The following DCAF15 variants were observed in gnomAD, a reference collection of about 807,000 sequenced individuals.
DCAF15 encodes DDB1 and CUL4 associated factor 15.
Under a neutral mutation model 68.0 loss-of-function variants are expected in DCAF15, and 24 were observed. The observed-to-expected ratio is 0.35, with a 90% CI of 0.26 to 0.50. The LOEUF (loss-of-function observed/expected upper bound fraction) is 0.50, where lower values mean the gene tolerates loss of function less well. Ranked by LOEUF, DCAF15 falls within the 20% of genes least tolerant of loss-of-function variation. The pLI is 0.98. For missense variants in DCAF15, 627 were observed against 830.6 expected, an observed-to-expected ratio of 0.75 and a Z score of 3.01; for synonymous variants, 376 against 341.6, an observed-to-expected ratio of 1.10 and a Z score of -1.11.
intron 6 of DCAF15, among the ~76,000 whole-genome samples, chr19:13,957,510 C>T (rs1291284225): frequency 1.3e-5 from 2 of 152,188 alleles, no homozygotes; most frequent in East Asian, 3.8e-4. Flanking sequence ...TGTGGAACAC[C>T]AATGAAGGCC....
intron 1 of DCAF15, 45 bp from the exon 2 acceptor site, chr19:13,954,295 G>A: frequency 6.4e-7 from 1 of 1,550,842 alleles, no homozygotes; most frequent in Non-Finnish European, 8.9e-7. Flanking sequence ...AGGGGGCTGG[G>A]GGCTGCAGAT....
Position 13,954,358 on chromosome 19 carries a change from C to G in DCAF15, c.151C>G (p.Pro51Ala). ...ERVKISGQLSPRLFRKLPPRV... is the reference protein window; with the variant it reads ...ERVKISGQLSARLFRKLPPRV... Reference sequence around the variant, plus strand: ...TCCCCAGATCAGCGGACAGCTCTCCCCTCGCCTCTTCCGGAAGCTGCCTCC... The same window carrying G: ...TCCCCAGATCAGCGGACAGCTCTCCGCTCGCCTCTTCCGGAAGCTGCCTCC... Residue 51 changes from proline to alanine, a missense_variant, in exon 2 of 13, where the codon CCT (proline) becomes GCT (alanine). Coordinates refer to ENST00000254337, the MANE Select transcript of DCAF15 (RefSeq NM_138353.4). 1.2e-6 allele frequency: 2 copies of G among 1,613,552 alleles called. No individual in the cohort carries two copies. Among genetic ancestry groups the G allele is most frequent in the Non-Finnish European group, 1.7e-6 (2 of 1,179,962 alleles).
In DCAF15 at chr19:13,960,932, C is replaced by T; in HGVS notation, c.1748-8C>T. 6.2e-7 allele frequency: 1 copy of T among 1,614,010 alleles called. No homozygotes were observed. Among genetic ancestry groups the T allele is most frequent in the Non-Finnish European group, 8.5e-7 (1 of 1,180,038 alleles). On this transcript the variant is annotated splice_region_variant and splice_polypyrimidine_tract_variant and intron_variant, in intron 12 of 12. Coordinates refer to ENST00000254337, the MANE Select transcript of DCAF15 (RefSeq NM_138353.4). ...GGCTCTATGCTTTGTCTCCACCTGT[C>T]CCTGTAGGGTGCTCCCTGAAGGTTC...
rs374376254 is a variant in DCAF15 at position 13,954,443 on chromosome 19, G to A, written c.230+6G>A. 3 of 1,613,840 alleles carry A rather than the reference G, an allele frequency of 1.9e-6. No homozygotes were observed. Among genetic ancestry groups the A allele is most frequent in the African/African-American group, 2.7e-5 (2 of 74,904 alleles). On this transcript the variant is annotated splice_donor_region_variant and intron_variant, in intron 2 of 12. Transcript: ENST00000254337. ...GAGGACTTCCTCTATGCAGGGTGAG[G>A]CTGGGCCCAGGCAAAGGGGGCAGGT... is the stretch of plus-strand genomic sequence containing the variant.
chr19:13,961,371 C>T lies in DCAF15; in HGVS notation c.*376C>T. 1 of 258,192 alleles carries T rather than the reference C, an allele frequency of 3.9e-6. No individual in the cohort carries two copies. Among genetic ancestry groups the T allele is most frequent in the African/African-American group, 2.2e-5 (1 of 45,918 alleles). 16.0% of individuals were successfully genotyped at this position (258,192 alleles called of 1,614,324 possible). On this transcript the variant is annotated 3_prime_UTR_variant, in exon 13 of 13. Transcript: ENST00000254337. ...TCCCCCTGCCCTGCCCGCCCCCAGC[C>T]TCCCCACCCAGGCCGGCAACCTGGC...
At chr19:13,956,316 G>GCC (rs1273047597) in intron 5 of DCAF15, 36 bp from the exon 6 acceptor site, 2 of 1,612,214 alleles carry the variant, frequency 1.2e-6, no homozygotes, top group African/African-American at 1.3e-5. Flanking sequence ...CTTGCTCCGG[G>GCC]CCGAGAGTGA....
At chr19:13,956,046 G>C (rs1465331240) in intron 4 of DCAF15, 28 bp downstream of exon 4, 1 of 1,612,764 alleles carries the variant, frequency 6.2e-7, no homozygotes, top group Non-Finnish European at 8.5e-7. Flanking sequence ...GGGGAGCCTT[G>C]GCTGGTTGGG....
chr19:13,953,138 G>A, intron 1 of DCAF15: 5 of 1,548,292 alleles, frequency 3.2e-6, no homozygotes, highest in African/African-American at 1.4e-5. Context: ...CCTCCCCATT[G>A]AAAGTGTGGG....
At chr19:13,952,690 T>C in intron 1 of DCAF15, 46 bp downstream of exon 1, 1 of 1,151,026 alleles carries the variant, frequency 8.7e-7, no homozygotes, top group South Asian at 3.0e-5. Flanking sequence ...GGGTGGGGAG[T>C]AGGGACGAGG....
chr19:13,957,046 G>A (rs1367046207), intron 6 of DCAF15, among the ~76,000 whole-genome samples: 1 of 152,232 alleles, frequency 6.6e-6, no homozygotes, highest in Non-Finnish European at 1.5e-5. Flanking sequence ...GTGAGCCACC[G>A]CGTCTGGCCT....
intron 12 of DCAF15, 52 bp downstream of exon 12, chr19:13,960,632 C>A: frequency 6.8e-7 from 1 of 1,478,150 alleles, no homozygotes; most frequent in Non-Finnish European, 9.2e-7. Context: ...CACTTGTCCT[C>A]ACCCAGGAGC....
chr19:13,955,106 T>TAAAACAAAACAAAACAAAAC (rs565524117), intron 3 of DCAF15, among the ~76,000 whole-genome samples: 3 of 150,338 alleles, frequency 2.0e-5, no homozygotes, highest in African/African-American at 7.4e-5. Flanking sequence ...ACCCTGTCTC[T>TAAAACAAAACAAAACAAAAC]AAAACAAAAC....
chr19:13,953,450 G>T (rs1336297065), intron 1 of DCAF15: 2 of 255,730 alleles, frequency 7.8e-6, no homozygotes, highest in East Asian at 1.8e-4. Flanking sequence ...TCCGCCCTTA[G>T]CCTGGGAGCT....
rs552994779 is a variant in DCAF15, at chr19:13,958,926, A to C, written c.785-119A>C. 28 of 1,276,560 alleles carry C rather than the reference A, an allele frequency of 2.2e-5. No homozygotes were observed. The South Asian group carries it at 4.1e-4, about 19-fold the overall frequency. 79.1% of individuals were successfully genotyped at this position (1,276,560 alleles called of 1,614,324 possible). A position where few individuals can be genotyped will look rare whatever the true frequency, so the allele number is the denominator to read the frequency against. ...CTTTTGGGTGTTTCAAACTGATCTCAGCATAGCCAAGTCTCCTAGAAGTGT... is the reference window on the plus strand; with the variant it reads ...CTTTTGGGTGTTTCAAACTGATCTCCGCATAGCCAAGTCTCCTAGAAGTGT... On this transcript the variant is annotated intron_variant, in intron 6 of 12. Coordinates refer to ENST00000254337, the MANE Select transcript of DCAF15 (RefSeq NM_138353.4).
Position 13,956,222 on chromosome 19 carries a change from C to G in DCAF15, c.573C>G (p.Gly191=), listed in dbSNP as rs558015289. 15 of 1,612,302 alleles carry G rather than the reference C, an allele frequency of 9.3e-6. No individual in the cohort carries two copies. In the African/African-American group the frequency reaches 1.5e-4, roughly 16 times the overall value. Residue 191 remains glycine, a synonymous_variant, in exon 5 of 13, where the codon GGC becomes GGG. Transcript: ENST00000254337. The stretch of plus-strand genomic sequence containing the variant: ...GCACCGTGGCCGTGCCACCGCCAGG[C>G]CGCTGTGCTGCTTGCCAGGATGCCA... ...YVSTVAVPPP[G]RCAACQDASR...
Position 13,954,429 on chromosome 19 carries a change from C to T in DCAF15, c.222C>T (p.Leu74=), listed in dbSNP as rs747826303. 3 of 1,613,412 alleles carry T rather than the reference C, an allele frequency of 1.9e-6. No homozygotes were observed. The highest frequency in any genetic ancestry group is 2.7e-5 in the African/African-American group (2 of 74,878). ...SLKNIVDEDF[L]YAGHIFLGFS... ...AGAACATTGTGGATGAGGACTTCCT[C>T]TATGCAGGGTGAGGCTGGGCCCAGG... Residue 74 remains leucine, a synonymous_variant, in exon 2 of 13, where the codon CTC becomes CTT. Transcript: ENST00000254337.
In DCAF15 at chr19:13,959,430, C is replaced by T; in HGVS notation, c.1170C>T (p.Thr390=). The change falls in exon 7 of 13, where the codon ACC becomes ACT. Residue 390 remains threonine, a synonymous_variant. Coordinates refer to ENST00000254337, the MANE Select transcript of DCAF15 (RefSeq NM_138353.4). ...PASEPGYVNY[T]KLYYVLESGE... ...CCGAGCCTGGCTATGTCAACTACAC[C>T]AAGCTGTACTATGTGCTGGAGTCCG... The T allele has an allele frequency of 1.2e-6, 2 of 1,609,890 alleles. No individual in the cohort carries two copies. Among genetic ancestry groups the T allele is most frequent in the East Asian group, 2.2e-5 (1 of 44,870 alleles).
In DCAF15 at chr19:13,960,274, C is replaced by T; in HGVS notation, c.1527-13C>T. 2 of 1,612,500 alleles carry T rather than the reference C, an allele frequency of 1.2e-6. No homozygotes were observed. The highest frequency in any genetic ancestry group is 1.7e-6 in the Non-Finnish European group (2 of 1,178,684). ...CTGTCCCAGCGTTTGTCCTATGTCC[C>T]TCTCCACTGTAGACCAAAGACCTAT... On this transcript the variant is annotated splice_polypyrimidine_tract_variant and intron_variant, in intron 10 of 12. Coordinates refer to ENST00000254337, the MANE Select transcript of DCAF15 (RefSeq NM_138353.4).
At chr19:13,960,670 G>A in intron 12 of DCAF15, 90 bp downstream of exon 12, 1 of 1,319,620 alleles carries the variant, frequency 7.6e-7, no homozygotes, top group South Asian at 1.4e-5. Flanking sequence ...TGAAATGGGT[G>A]GGAAGGCTGG....
Sources: allele counts gnomAD v4.1 joint callset (sites outside exome capture counted in the v4.1 genomes callset), GRCh38; gene constraint gnomAD v4.1.1; transcripts MANE v1.5; gene names NCBI Gene and HGNC (gene_info 2026-07-23, HGNC 2026-07-21).